Variants in FAM156A observed in about 807,000 individuals in gnomAD.
FAM156A encodes protein FAM156A/FAM156B.
At chrX:52,983,192 A>G (rs1930023913) in intron 1 of FAM156A, among the ~76,000 whole-genome samples, 1 of 112,222 alleles carries the variant, frequency 8.9e-6, no homozygotes, top group Non-Finnish European at 1.9e-5. Flanking sequence ...GGTCGAGGCT[A>G]CAGTGAGCCA....
At chrX:52,975,820 C>T (rs1458120859) in intron 1 of FAM156A, among the ~76,000 whole-genome samples, 4 of 111,924 alleles carry the variant, frequency 3.6e-5, no homozygotes, top group South Asian at 7.4e-4. Context: ...CCACTGGAGC[C>T]GAAGGAGAGG....
chrX:52,989,456 A>G (rs1488728146), intron 1 of FAM156A, among the ~76,000 whole-genome samples: 1 of 111,644 alleles, frequency 9.0e-6, no homozygotes, highest in Non-Finnish European at 1.9e-5. Context: ...CCCTCCATTC[A>G]TGAGCATCCC....
At chrX:52,973,752 T>C (rs1270698608) in intron 1 of FAM156A, among the ~76,000 whole-genome samples, 6 of 111,796 alleles carry the variant, frequency 5.4e-5, no homozygotes, top group African/African-American at 2.0e-4. Flanking sequence ...AACCTCCGCC[T>C]TCCAGGTTCA....
chrX:52,983,818 TGTAA>T (rs1378328531), intron 1 of FAM156A, among the ~76,000 whole-genome samples: 1 of 112,740 alleles, frequency 8.9e-6, no homozygotes, highest in African/African-American at 3.2e-5. Context: ...TTTTAAATTC[TGTAA>T]GTAACATTTA....
At chrX:52,990,115 G>A (rs782742156) in intron 1 of FAM156A, among the ~76,000 whole-genome samples, 2 of 110,793 alleles carry the variant, frequency 1.8e-5, no homozygotes, top group African/African-American at 6.6e-5. Flanking sequence ...GAGACACCCA[G>A]CCTGGAGCTC....
intron 1 of FAM156A, among the ~76,000 whole-genome samples, chrX:52,987,954 G>T (rs1293524088): frequency 1.8e-5 from 2 of 112,203 alleles, no homozygotes; most frequent in Non-Finnish European, 3.8e-5. Flanking sequence ...TCAACGATTT[G>T]AATGAAACTC....
intron 1 of FAM156A, among the ~76,000 whole-genome samples, chrX:52,993,252 C>CT (rs1930907578): frequency 9.0e-6 from 1 of 110,559 alleles, no homozygotes; most frequent in African/African-American, 3.3e-5. Context: ...TTCCTTCTGC[C>CT]TGGAATGCTC....
intron 1 of FAM156A, among the ~76,000 whole-genome samples, chrX:52,977,594 G>T (rs1189415506): frequency 1.8e-5 from 2 of 110,488 alleles, no homozygotes; most frequent in Non-Finnish European, 3.8e-5. Flanking sequence ...GAACCACCAT[G>T]CCCAGCTTAT....
intron 1 of FAM156A, among the ~76,000 whole-genome samples, chrX:52,991,092 A>G (rs1930734404): frequency 9.0e-6 from 1 of 111,531 alleles, no homozygotes; most frequent in Admixed American, 9.5e-5. Context: ...TATTGGTATG[A>G]ATGGTTGTAT....
At chrX:52,975,970 T>C (rs1322806647) in intron 1 of FAM156A, among the ~76,000 whole-genome samples, 6 of 111,364 alleles carry the variant, frequency 5.4e-5, no homozygotes, top group Admixed American at 9.6e-5. Flanking sequence ...TTCAGCTAAC[T>C]TTCCATCCAC....
At chrX:52,978,764 G>A (rs1480648596) in intron 1 of FAM156A, among the ~76,000 whole-genome samples, 2 of 112,073 alleles carry the variant, frequency 1.8e-5, no homozygotes, top group African/African-American at 3.2e-5. Flanking sequence ...CAGGCAGCAC[G>A]TCAGTGTCGG....
chrX:52,978,865 C>T (rs1396919687), intron 1 of FAM156A, among the ~76,000 whole-genome samples: 2 of 111,831 alleles, frequency 1.8e-5, no homozygotes, highest in African/African-American at 6.5e-5. Context: ...GAAGCTGTGT[C>T]ACTGGGAAAG....
intron 1 of FAM156A, among the ~76,000 whole-genome samples, chrX:52,989,687 G>A (rs1173938087): frequency 8.9e-6 from 1 of 112,062 alleles, no homozygotes; most frequent in Non-Finnish European, 1.9e-5. Context: ...AAACCACCAG[G>A]CCTGGAGCTT....
At chrX:52,981,569 T>G (rs781929860) in intron 1 of FAM156A, among the ~76,000 whole-genome samples, 1 of 111,656 alleles carries the variant, frequency 9.0e-6, no homozygotes, top group South Asian at 3.8e-4. Context: ...TCCTCGTCCA[T>G]CCAAACAACT....
chrX:52,994,657 C>T (rs1417313570), intron 1 of FAM156A, among the ~76,000 whole-genome samples: 1 of 110,866 alleles, frequency 9.0e-6, no homozygotes, highest in Non-Finnish European at 1.9e-5. Flanking sequence ...CACCCAGGGA[C>T]ACAAATGTCC....
intron 1 of FAM156A, among the ~76,000 whole-genome samples, chrX:52,978,839 C>T (rs1929666544): frequency 1.8e-5 from 2 of 111,756 alleles, no homozygotes; most frequent in Non-Finnish European, 3.8e-5. Context: ...CCTTCCATAC[C>T]TTCACAAAGG....
At chrX:52,974,881 C>T (rs1198554302) in intron 1 of FAM156A, among the ~76,000 whole-genome samples, 1 of 110,504 alleles carries the variant, frequency 9.0e-6, no homozygotes, top group African/African-American at 3.3e-5. Flanking sequence ...GGACTATTAT[C>T]GTCTTTGCTT....
At chrX:52,983,588 A>AT (rs56228896) in intron 1 of FAM156A, among the ~76,000 whole-genome samples, 1 of 111,098 alleles carries the variant, frequency 9.0e-6, no homozygotes, top group East Asian at 2.8e-4. Flanking sequence ...AACTGATATA[A>AT]TTTTTTCCCT....
intron 1 of FAM156A, among the ~76,000 whole-genome samples, chrX:52,987,988 T>C (rs1556794790): frequency 5.4e-5 from 6 of 112,028 alleles, no homozygotes. Context: ...CAGTGGCTCA[T>C]GCCTATAATC....
Sources: gnomAD v4.1 joint callset for allele counts (sites outside exome capture counted in the v4.1 genomes callset) on GRCh38, gnomAD v4.1.1 for gene constraint, MANE v1.5 for transcripts, NCBI Gene and HGNC (gene_info 2026-07-23, HGNC 2026-07-21) for gene names.